The following KPNA4 variants were observed in gnomAD, a reference collection of about 807,000 sequenced individuals.
KPNA4 encodes importin subunit alpha-3.
KPNA4 carries 13 observed loss-of-function variants against 71.3 expected under a neutral mutation model. That is an observed-to-expected ratio of 0.18 (90% CI 0.12 to 0.29). The LOEUF (loss-of-function observed/expected upper bound fraction) is 0.29. Among genes scored for constraint, KPNA4 ranks in the 10% least tolerant of loss-of-function variants. The pLI is 1.00. For missense variants in KPNA4, 334 were observed against 603.2 expected, an observed-to-expected ratio of 0.55 and a Z score of 4.67; for synonymous variants, 189 against 195.2, an observed-to-expected ratio of 0.97 and a Z score of 0.26.
chr3:160,557,254 T>TTAA (rs1180726217), intron 1 of KPNA4, among the ~76,000 whole-genome samples: 5 of 152,058 alleles, frequency 3.3e-5, no homozygotes, highest in African/African-American at 1.2e-4. Context: ...ACAGGGCCAT[T>TTAA]TAATACAACC....
intron 1 of KPNA4, among the ~76,000 whole-genome samples, chr3:160,553,400 T>A (rs78178848): frequency 0.02 from 3,119 of 152,260 alleles, 51 homozygotes; most frequent in African/African-American, 0.032. Context: ...TCAGATTATC[T>A]CTTAGTAATT....
At chr3:160,539,100 G>T (rs1721745794) in intron 1 of KPNA4, among the ~76,000 whole-genome samples, 1 of 152,118 alleles carries the variant, frequency 6.6e-6, no homozygotes, top group African/African-American at 2.4e-5. Flanking sequence ...TACCTGCAGT[G>T]CTCAGTTCCT....
In KPNA4 at chr3:160,502,096, A is replaced by C; in HGVS notation, c.*8T>G. On this transcript the variant is annotated 3_prime_UTR_variant, in exon 17 of 17. Coordinates refer to ENST00000334256, the MANE Select transcript of KPNA4 (RefSeq NM_002268.5). ...TGCTGCATTGTACCTAACTTCCACA[A>C]CATCTTTCTAAAACTGGAACCCTTC... 2 of 1,518,774 alleles carry C rather than the reference A, an allele frequency of 1.3e-6. No individual in the cohort carries two copies. The highest frequency in any genetic ancestry group is 1.7e-5 in the Admixed American group (1 of 58,846). 94.1% of individuals were successfully genotyped at this position (1,518,774 alleles called of 1,614,324 possible). A position where few individuals can be genotyped will look rare whatever the true frequency, so the allele number is the denominator to read the frequency against.
At chr3:160,565,118 G>T in intron 1 of KPNA4, 96 bp downstream of exon 1, 1 of 1,025,794 alleles carries the variant, frequency 9.7e-7, no homozygotes, top group Non-Finnish European at 1.5e-6. Context: ...GAGGCCTGGA[G>T]GCGGCTCCCG....
At chr3:160,538,882 C>T (rs1266398129) in intron 1 of KPNA4, among the ~76,000 whole-genome samples, 1 of 152,132 alleles carries the variant, frequency 6.6e-6, no homozygotes, top group Non-Finnish European at 1.5e-5. Context: ...ATTTTTTTAG[C>T]CATACTACTT....
rs1401061529 is a variant in KPNA4, at chr3:160,495,132, G to C, written c.*6972C>G. ...ACAATCTAGTGGAAAGAAAGACGGA[G>C]AAACTCAGATGTGATAGAGCAATGA... is the stretch of plus-strand genomic sequence containing the variant. On this transcript the variant is annotated 3_prime_UTR_variant, in exon 17 of 17. Coordinates refer to ENST00000334256, the MANE Select transcript of KPNA4 (RefSeq NM_002268.5). The C allele has an allele frequency of 1.3e-5, 2 of 152,138 alleles. No homozygotes were observed. Among genetic ancestry groups the C allele is most frequent in the Non-Finnish European group, 2.9e-5 (2 of 68,038 alleles). The allele number at this position is 152,138 out of a possible 1,614,324, so 9.4% of individuals were successfully genotyped here.
chr3:160,513,498 C>G (rs1202696809), intron 13 of KPNA4, among the ~76,000 whole-genome samples: 1 of 152,040 alleles, frequency 6.6e-6, no homozygotes, highest in Non-Finnish European at 1.5e-5. Flanking sequence ...CTCCTGGGCT[C>G]AAGTGATCCT....
At chr3:160,556,741 G>A (rs1346417322) in intron 1 of KPNA4, among the ~76,000 whole-genome samples, 1 of 152,146 alleles carries the variant, frequency 6.6e-6, no homozygotes, top group African/African-American at 2.4e-5. Context: ...CGCTCAACCT[G>A]TACTGTCATT....
rs766547860 is a variant in KPNA4 at position 160,530,953 on chromosome 3, A to C, written c.384-13T>G. ...CTGTAAAGAAGGACTACAAAAAAAAACAAGTATTTTTAAACAGCAGGGATT... is the reference window on the plus strand; with the variant it reads ...CTGTAAAGAAGGACTACAAAAAAAACCAAGTATTTTTAAACAGCAGGGATT... On this transcript the variant is annotated splice_polypyrimidine_tract_variant and intron_variant, in intron 6 of 16. Transcript: ENST00000334256. 2.3e-5 allele frequency: 37 copies of C among 1,587,964 alleles called. No homozygotes were observed. The highest frequency in any genetic ancestry group is 1.7e-4 in the Middle Eastern group (1 of 5,994).
chr3:160,522,900 C>G (rs1465337159), intron 10 of KPNA4, among the ~76,000 whole-genome samples: 1 of 150,670 alleles, frequency 6.6e-6, no homozygotes, highest in African/African-American at 2.5e-5. Context: ...AAAAAAAAGC[C>G]TGTGTAATCA....
At position 160,565,556 on chromosome 3, in the gene KPNA4, G is replaced by C. The variant is rs187148250; in HGVS notation, c.-274C>G. 7.1e-4 allele frequency: 375 copies of C among 527,862 alleles called. No individual in the cohort carries two copies. The highest frequency in any genetic ancestry group is 6.2e-3 in the African/African-American group (306 of 49,358). 32.7% of individuals were successfully genotyped at this position (527,862 alleles called of 1,614,324 possible). A position where few individuals can be genotyped will look rare whatever the true frequency, so the allele number is the denominator to read the frequency against. On this transcript the variant is annotated 5_prime_UTR_variant, in exon 1 of 17. Coordinates refer to ENST00000334256, the MANE Select transcript of KPNA4 (RefSeq NM_002268.5). ...GGAATGTGCTGCCGGCTGAGAGGGG[G>C]AGGCAGCCTCGATCTGAGGGCCCCG...
intron 5 of KPNA4, among the ~76,000 whole-genome samples, chr3:160,534,504 G>C (rs1184746187): frequency 1.3e-5 from 2 of 151,464 alleles, no homozygotes; most frequent in African/African-American, 4.9e-5. Flanking sequence ...TGGATCACAA[G>C]GTCAGGAGTT....
intron 10 of KPNA4, among the ~76,000 whole-genome samples, chr3:160,522,293 A>T (rs1266929737): frequency 2.6e-5 from 4 of 152,242 alleles, no homozygotes; most frequent in African/African-American, 9.6e-5. Flanking sequence ...TCCAACATGC[A>T]CAGTTGTTCA....
chr3:160,535,426 T>C, intron 5 of KPNA4, 87 bp downstream of exon 5: 1 of 810,020 alleles, frequency 1.2e-6, no homozygotes, highest in Non-Finnish European at 2.0e-6. Context: ...TAAATTTGAT[T>C]AACAGGGACT....
chr3:160,562,339 CT>C (rs1036031135), intron 1 of KPNA4, among the ~76,000 whole-genome samples: 58 of 152,300 alleles, frequency 3.8e-4, no homozygotes, highest in African/African-American at 1.2e-3. Context: ...GTTAAATTCA[CT>C]GGTCCATACT....
At chr3:160,526,241 G>A (rs1721457846) in intron 8 of KPNA4, 134 bp from the exon 9 acceptor site, 1 of 576,612 alleles carries the variant, frequency 1.7e-6, no homozygotes. Context: ...ACAATAACAA[G>A]CAGGCTCACA....
At chr3:160,507,153 C>T (rs770897064) in intron 15 of KPNA4, among the ~76,000 whole-genome samples, 7 of 152,000 alleles carry the variant, frequency 4.6e-5, no homozygotes, top group African/African-American at 7.3e-5. Context: ...GGCCATGTTT[C>T]GAAACTATTG....
intron 1 of KPNA4, among the ~76,000 whole-genome samples, chr3:160,552,607 A>G (rs909955249): frequency 6.6e-6 from 1 of 152,214 alleles, no homozygotes; most frequent in Non-Finnish European, 1.5e-5. Flanking sequence ...GCTCTTAAGG[A>G]AAACAGGGGG....
chr3:160,547,415 A>G (rs1437456138), intron 1 of KPNA4, among the ~76,000 whole-genome samples: 2 of 152,146 alleles, frequency 1.3e-5, no homozygotes, highest in South Asian at 2.1e-4. Context: ...GCCACACAAA[A>G]GACTACTTTT....
Sources: allele counts gnomAD v4.1 joint callset (sites outside exome capture counted in the v4.1 genomes callset), GRCh38; gene constraint gnomAD v4.1.1; transcripts MANE v1.5; gene names NCBI Gene and HGNC (gene_info 2026-07-23, HGNC 2026-07-21).